Variants in ST18 observed in about 807,000 individuals in gnomAD.
ST18 encodes suppression of tumorigenicity 18 protein.
ST18 carries 50 observed loss-of-function variants against 110.0 expected under a neutral mutation model. That is an observed-to-expected ratio of 0.45 (90% CI 0.36 to 0.58). The LOEUF is 0.58. Among genes scored for constraint, ST18 ranks in the 20% least tolerant of loss-of-function variants. The probability of loss-of-function intolerance (pLI) is 0.00; values close to 1 mark genes in which losing one functional copy is unlikely to be tolerated. For synonymous variants in ST18, 461 were observed against 452.4 expected (o/e 1.02, Z -0.24); for missense variants, 1,306 against 1,280.1 (o/e 1.02, Z -0.31).
At chr8:52,345,265 G>A (rs1344619606) in intron 2 of ST18, among the ~76,000 whole-genome samples, 1 of 152,118 alleles carries the variant, frequency 6.6e-6, no homozygotes, top group Non-Finnish European at 1.5e-5. Context: ...GGATCTAGAT[G>A]ACAAATTAGT....
At chr8:52,223,071 C>T (rs529768050) in intron 3 of ST18, among the ~76,000 whole-genome samples, 29 of 152,308 alleles carry the variant, frequency 1.9e-4, no homozygotes, top group African/African-American at 7.0e-4. Context: ...GACATGGCTT[C>T]GCTTGTTAAA....
At chr8:52,270,977 GCTC>G (rs1422901212) in intron 2 of ST18, among the ~76,000 whole-genome samples, 2 of 151,552 alleles carry the variant, frequency 1.3e-5, no homozygotes, top group South Asian at 2.1e-4. Context: ...CTCACTGCAA[GCTC>G]CTCCACCTCC....
At chr8:52,283,260 C>A (rs186212315) in intron 2 of ST18, among the ~76,000 whole-genome samples, 54 of 152,308 alleles carry the variant, frequency 3.5e-4, no homozygotes, top group African/African-American at 1.3e-3. Flanking sequence ...GTGCCTAACC[C>A]GCCATGATGG....
At chr8:52,115,575 G>T (rs1207736728) in intron 25 of ST18, among the ~76,000 whole-genome samples, 4 of 152,194 alleles carry the variant, frequency 2.6e-5, no homozygotes, top group African/African-American at 9.7e-5. Context: ...TAACCTCAGA[G>T]CAGTAGGCTG....
chr8:52,337,455 G>C (rs1021496708), intron 2 of ST18, among the ~76,000 whole-genome samples: 3 of 152,200 alleles, frequency 2.0e-5, no homozygotes, highest in Non-Finnish European at 4.4e-5. Flanking sequence ...GAAGAAATGA[G>C]CCAAAGTCAC....
intron 15 of ST18, 75 bp downstream of exon 15, chr8:52,158,823 G>C: frequency 6.5e-7 from 1 of 1,531,096 alleles, no homozygotes; most frequent in Non-Finnish European, 9.0e-7. Context: ...AGTGAATGTA[G>C]TTAGGAACAT....
At chr8:52,184,743 T>G (rs1201678883) in intron 8 of ST18, among the ~76,000 whole-genome samples, 1 of 152,186 alleles carries the variant, frequency 6.6e-6, no homozygotes, top group Non-Finnish European at 1.5e-5. Context: ...AAATGTAGGT[T>G]CAGCAATAGA....
intron 2 of ST18, among the ~76,000 whole-genome samples, chr8:52,268,820 T>C (rs922441428): frequency 6.6e-6 from 1 of 152,114 alleles, no homozygotes; most frequent in Non-Finnish European, 1.5e-5. Context: ...ACAAGCACCA[T>C]GTAAGGGGCA....
chr8:52,257,229 G>T (rs2094553903), intron 2 of ST18, among the ~76,000 whole-genome samples: 1 of 152,114 alleles, frequency 6.6e-6, no homozygotes. Flanking sequence ...TTATACATAA[G>T]GCTACTATAA....
At chr8:52,196,313 G>T (rs979045195) in intron 8 of ST18, among the ~76,000 whole-genome samples, 1 of 152,098 alleles carries the variant, frequency 6.6e-6, no homozygotes, top group Non-Finnish European at 1.5e-5. Context: ...ACACTTAAAA[G>T]AAAAAGAAAC....
intron 2 of ST18, among the ~76,000 whole-genome samples, chr8:52,357,919 T>C (rs1823914670): frequency 6.6e-6 from 1 of 150,934 alleles, no homozygotes; most frequent in Non-Finnish European, 1.5e-5. Context: ...CAAGCACACA[T>C]AGATTATTCT....
chr8:52,144,695 C>T (rs531638361), intron 16 of ST18, among the ~76,000 whole-genome samples: 5 of 151,870 alleles, frequency 3.3e-5, no homozygotes, highest in African/African-American at 4.8e-5. Flanking sequence ...AAACAGAAGC[C>T]GATAAAAAGA....
chr8:52,282,118 C>T (rs1055948952), intron 2 of ST18, among the ~76,000 whole-genome samples: 13 of 152,050 alleles, frequency 8.5e-5, no homozygotes, highest in African/African-American at 2.9e-4. Flanking sequence ...ATTCCAATCA[C>T]ATGCAACTCA....
At chr8:52,363,667 A>G (rs1213398694) in intron 2 of ST18, among the ~76,000 whole-genome samples, 1 of 152,216 alleles carries the variant, frequency 6.6e-6, no homozygotes, top group Non-Finnish European at 1.5e-5. Context: ...TAAGCAAGAT[A>G]AGGAGCCCAA....
intron 2 of ST18, among the ~76,000 whole-genome samples, chr8:52,292,113 T>C (rs1262173947): frequency 6.6e-6 from 1 of 152,226 alleles, no homozygotes; most frequent in Non-Finnish European, 1.5e-5. Flanking sequence ...ATATTAACTC[T>C]TCTTTGAGAA....
chr8:52,248,768 T>C (rs1403042289), intron 2 of ST18, among the ~76,000 whole-genome samples: 2 of 152,202 alleles, frequency 1.3e-5, no homozygotes, highest in Non-Finnish European at 2.9e-5. Flanking sequence ...ACAGTAATGA[T>C]TCTATTTCCA....
chr8:52,148,544 G>T (rs2057971877), intron 16 of ST18, among the ~76,000 whole-genome samples: 1 of 152,176 alleles, frequency 6.6e-6, no homozygotes, highest in African/African-American at 2.4e-5. Context: ...CTGAGCACAT[G>T]CATGACTGTG....
chr8:52,247,032 G>T (rs1324025562), intron 2 of ST18, among the ~76,000 whole-genome samples: 1 of 152,132 alleles, frequency 6.6e-6, no homozygotes, highest in East Asian at 1.9e-4. Context: ...ATGCACTTAG[G>T]ATGACTGCCT....
At chr8:52,295,710 C>CTTTTTTTTTT (rs371927202) in intron 2 of ST18, among the ~76,000 whole-genome samples, 3 of 130,844 alleles carry the variant, frequency 2.3e-5, no homozygotes, top group Non-Finnish European at 3.2e-5. Context: ...TCTTTTTTTC[C>CTTTTTTTTTT]TTTTTTTTTT....
Sources: allele counts gnomAD v4.1 joint callset (sites outside exome capture counted in the v4.1 genomes callset), GRCh38; gene constraint gnomAD v4.1.1; transcripts MANE v1.5; gene names NCBI Gene and HGNC (gene_info 2026-07-23, HGNC 2026-07-21).